PPP6R1: variants seen among roughly 807,000 people sequenced by gnomAD.
PPP6R1 encodes serine/threonine-protein phosphatase 6 regulatory subunit 1.
Under a neutral mutation model 104.6 loss-of-function variants are expected in PPP6R1, and 39 were observed. The observed-to-expected ratio is 0.37, with a 90% CI of 0.29 to 0.49. The LOEUF (loss-of-function observed/expected upper bound fraction) is 0.49. Among genes scored for constraint, PPP6R1 ranks in the 20% least tolerant of loss-of-function variants. The pLI is 0.98. For synonymous variants in PPP6R1, 549 were observed against 479.0 expected (o/e 1.15, Z -1.91); for missense variants, 1,181 against 1,155.8 (o/e 1.02, Z -0.32).
chr19:55,248,660 T>A (rs2087529790), intron 1 of PPP6R1, among the ~76,000 whole-genome samples: 1 of 152,210 alleles, frequency 6.6e-6, no homozygotes, highest in African/African-American at 2.4e-5. Flanking sequence ...CGAGCCCTGC[T>A]GACCTGTCAC....
chr19:55,240,200 C>G (rs2087439414), intron 11 of PPP6R1, 36 bp downstream of exon 11: 6 of 1,571,452 alleles, frequency 3.8e-6, no homozygotes, highest in Non-Finnish European at 5.2e-6. Flanking sequence ...CAGGCAGCCC[C>G]AGCCCCTGGA....
rs199630121 is a variant in PPP6R1, at chr19:55,240,993, A to T, written c.1248T>A (p.Pro416=). 1.5e-5 allele frequency: 24 copies of T among 1,598,094 alleles called. No homozygotes were observed. The highest frequency in any genetic ancestry group is 2.0e-5 in the Non-Finnish European group (24 of 1,172,800). ...CVSTMLSLGP[P]PDSSPETPIQ... is the part of the protein sequence containing the mutation. Reference sequence around the variant, plus strand: ...TGGGCGTCTCAGGGCTGCTGTCAGGAGGTGGCCCCAAGCTCAGCATGGTGC... The same window carrying T: ...TGGGCGTCTCAGGGCTGCTGTCAGGTGGTGGCCCCAAGCTCAGCATGGTGC... The change falls in exon 10 of 24, where the codon CCT becomes CCA. Residue 416 remains proline (P), a synonymous_variant. Coordinates refer to ENST00000412770, the MANE Select transcript of PPP6R1 (RefSeq NM_014931.4).
At chr19:55,237,640 G>GACACTAAGTATGTGTATATATACAC (rs1028995325) in intron 15 of PPP6R1, among the ~76,000 whole-genome samples, 1 of 152,120 alleles carries the variant, frequency 6.6e-6, no homozygotes, top group Non-Finnish European at 1.5e-5. Flanking sequence ...ATTCTTAAAG[G>GACACTAAGTATGTGTATATATACAC]ACACTAAGTA....
At position 55,242,399 on chromosome 19, in the gene PPP6R1, G is replaced by C. The variant is rs374006494; in HGVS notation, c.708C>G (p.Asp236Glu). Residue 236 changes from aspartate to glutamate, a missense_variant, in exon 6 of 24, where the codon GAC (aspartate) becomes GAG (glutamate). Around this residue, in one of 2 missense-constraint regions of PPP6R1, gnomAD observed 1,042 missense variants for 955.6 expected, o/e 1.09. Transcript: ENST00000412770. ...ACTTCTCCAGGGTGGCCAGCAGTTGGTCAGGCTCTGGGCTGTCCTGGACTT... is the reference window on the plus strand; with the variant it reads ...ACTTCTCCAGGGTGGCCAGCAGTTGCTCAGGCTCTGGGCTGTCCTGGACTT... ...MIQVQDSPEP[D>E]QLLATLEKQE... is the part of the protein sequence containing the mutation. 105 of 1,613,904 alleles carry C rather than the reference G, an allele frequency of 6.5e-5. No homozygotes were observed. The highest frequency in any genetic ancestry group is 8.5e-5 in the Non-Finnish European group (100 of 1,179,778).
In PPP6R1 at chr19:55,230,383, C is replaced by A; in HGVS notation, c.*145G>T. The A allele has an allele frequency of 7.7e-7, 1 of 1,294,464 alleles. No homozygotes were observed. The highest frequency in any genetic ancestry group is 2.5e-5 in the East Asian group (1 of 39,730). 80.2% of individuals were successfully genotyped at this position (1,294,464 alleles called of 1,614,324 possible). ...GTGGGTTGGGCCTGTCTCCCTGGCA[C>A]CAGCCTCCTGGGGGTCCAGAGGAGA... On this transcript the variant is annotated 3_prime_UTR_variant, in exon 24 of 24. Coordinates refer to ENST00000412770, the MANE Select transcript of PPP6R1 (RefSeq NM_014931.4).
chr19:55,228,758 C>T (rs750601826), downstream of PPP6R1: 11 of 1,612,442 alleles, frequency 6.8e-6, no homozygotes, highest in African/African-American at 2.7e-5. Context: ...CTGATAGCCC[C>T]AGAGCGACCT....
rs762717968 is a variant in PPP6R1 at position 55,245,660 on chromosome 19, G to A, written c.246C>T (p.Cys82=). ...GGGGCACATCTGAGGTCAGAATCTC[G>A]CAGGCCACACTGGGGTACCTGGGAG... The part of the protein sequence containing the change: ...RLRYKYPSVA[C]EILTSDVPQI... The change falls in exon 3 of 24, where the codon TGC becomes TGT. Residue 82 remains cysteine (C), a synonymous_variant. Transcript: ENST00000412770. This position sits in a 1 kb window ranked among gnomAD's most constrained non-coding sequence, Gnocchi z 6.4. The A allele has an allele frequency of 1.2e-4, 196 of 1,607,426 alleles. No individual in the cohort carries two copies. Among genetic ancestry groups the A allele is most frequent in the Non-Finnish European group, 1.6e-4 (184 of 1,179,528 alleles).
intron 1 of PPP6R1, among the ~76,000 whole-genome samples, chr19:55,250,294 T>G (rs1314189869): frequency 6.6e-6 from 1 of 152,328 alleles, no homozygotes; most frequent in Middle Eastern, 3.4e-3. Flanking sequence ...CACACCAAAG[T>G]AAATGCCTAT....
rs770345100 is a variant in PPP6R1 at position 55,231,678 on chromosome 19, G to A, written c.2307-10C>T. ...TGTGGGGTCCTGAGACCTGGTAGGCGAGAGAGGCAGCCCAAGGGGGCAGCT... is the reference window on the plus strand; with the variant it reads ...TGTGGGGTCCTGAGACCTGGTAGGCAAGAGAGGCAGCCCAAGGGGGCAGCT... On this transcript the variant is annotated splice_polypyrimidine_tract_variant and intron_variant, in intron 19 of 23. Coordinates refer to ENST00000412770, the MANE Select transcript of PPP6R1 (RefSeq NM_014931.4). The A allele has an allele frequency of 4.6e-5, 73 of 1,592,600 alleles. No homozygotes were observed. The highest frequency in any genetic ancestry group is 3.7e-4 in the Admixed American group (21 of 57,456).
In PPP6R1 at chr19:55,239,387, T is replaced by A; in HGVS notation, c.1751+18A>T. 6.2e-7 allele frequency: 1 copy of A among 1,604,144 alleles called. No homozygotes were observed. The highest frequency in any genetic ancestry group is 8.5e-7 in the Non-Finnish European group (1 of 1,171,830). ...CAGAGGCAGGACAGGGCTGTGACCC[T>A]GCGCAGGAGACACTCACTTCACACT... On this transcript the variant is annotated intron_variant, in intron 15 of 23. Coordinates refer to ENST00000412770, the MANE Select transcript of PPP6R1 (RefSeq NM_014931.4).
rs1235082280 is a variant in PPP6R1 at position 55,239,987 on chromosome 19, G to A, written c.1477+12C>T. On this transcript the variant is annotated intron_variant, in intron 12 of 23. Coordinates refer to ENST00000412770, the MANE Select transcript of PPP6R1 (RefSeq NM_014931.4). The stretch of plus-strand genomic sequence containing the variant: ...CCCCACCTAGCCCTCAGGCCGGCCT[G>A]GGGACCCTCACCCTTCAGCAGCTGC... 1.2e-6 allele frequency: 2 copies of A among 1,607,202 alleles called. No homozygotes were observed. Among genetic ancestry groups the A allele is most frequent in the Admixed American group, 1.7e-5 (1 of 59,016 alleles).
chr19:55,245,231 G>GC lies in PPP6R1; in HGVS notation c.552+33dup, dbSNP rs1200198775. ...GATGCATCGCTGTCCACCACGCCCAGCCCCCCACCCCCAGAGGAGCCGGCC... is the reference window on the plus strand; with the variant it reads ...GATGCATCGCTGTCCACCACGCCCAGCCCCCCCACCCCCAGAGGAGCCGGCC... On this transcript the variant is annotated intron_variant, in intron 4 of 23. Coordinates refer to ENST00000412770, the MANE Select transcript of PPP6R1 (RefSeq NM_014931.4). This position sits in a 1 kb window ranked among gnomAD's most constrained non-coding sequence, Gnocchi z 6.4. The GC allele has an allele frequency of 3.7e-6, 6 of 1,602,894 alleles. No individual in the cohort carries two copies. The highest frequency in any genetic ancestry group is 4.3e-6 in the Non-Finnish European group (5 of 1,175,162).
At chr19:55,249,405 C>A (rs2087536006) in intron 1 of PPP6R1, among the ~76,000 whole-genome samples, 1 of 152,188 alleles carries the variant, frequency 6.6e-6, no homozygotes, top group African/African-American at 2.4e-5. Context: ...CCACACCCGG[C>A]TAATTTTTCT....
chr19:55,238,415 C>T (rs948473476), intron 15 of PPP6R1, among the ~76,000 whole-genome samples: 9 of 152,150 alleles, frequency 5.9e-5, no homozygotes, highest in African/African-American at 1.7e-4. Flanking sequence ...ACAGGGACCC[C>T]GGGGCAGCCA....
intron 15 of PPP6R1, chr19:55,238,670 T>C (rs2087421259): frequency 6.6e-6 from 1 of 152,062 alleles, no homozygotes; most frequent in Admixed American, 6.6e-5. Flanking sequence ...AATTTTTGTA[T>C]TTTTTAGTAG....
intron 5 of PPP6R1, among the ~76,000 whole-genome samples, chr19:55,242,882 A>T (rs940238149): frequency 1.3e-5 from 2 of 152,220 alleles, no homozygotes; most frequent in African/African-American, 4.8e-5. Flanking sequence ...GAGCCACAAA[A>T]ACATCATGCT....
rs1465755508 is a variant in PPP6R1, at chr19:55,239,413, C to G, written c.1743G>C (p.Glu581Asp). 2 of 1,613,394 alleles carry G rather than the reference C, an allele frequency of 1.2e-6. No individual in the cohort carries two copies. Among genetic ancestry groups the G allele is most frequent in the Admixed American group, 1.7e-5 (1 of 59,994 alleles). ...FNDEEFGEQE[E>D]SVNAPFDKTA... ...GCGCAGGAGACACTCACTTCACACT[C>G]TCCTCCTGCTCCCCAAACTCCTCAT... Residue 581 changes from glutamate (E) to aspartate (D), a missense_variant, in exon 15 of 24, where the codon GAG becomes GAC. Glu to Asp is a conservative substitution (Grantham distance 45). Coordinates refer to ENST00000412770, the MANE Select transcript of PPP6R1 (RefSeq NM_014931.4).
chr19:55,228,261 G>T, downstream of PPP6R1: 1 of 1,612,862 alleles, frequency 6.2e-7, no homozygotes, highest in East Asian at 2.2e-5. Context: ...CTCCCTGGAG[G>T]AGCTGGGTGT....
chr19:55,242,612 C>T (rs1325920341), intron 5 of PPP6R1, 124 bp from the exon 6 acceptor site: 10 of 782,852 alleles, frequency 1.3e-5, no homozygotes, highest in Non-Finnish European at 2.0e-5. Context: ...CACAGGGACA[C>T]GTGTTACGAA....
Sources: gnomAD v4.1 joint callset for allele counts (sites outside exome capture counted in the v4.1 genomes callset) on GRCh38, gnomAD v4.1.1 for gene constraint, gnomAD v4.1.1 regional missense constraint, Gnocchi (gnomAD v3.1) non-coding constraint, MANE v1.5 for transcripts, NCBI Gene and HGNC (gene_info 2026-07-23, HGNC 2026-07-21) for gene names.